RBFOX1: variants seen among roughly 807,000 people sequenced by gnomAD.
RBFOX1 encodes the protein RNA binding fox-1 homolog 1, also known as RNA binding protein fox-1 homolog 1.
Under a neutral mutation model 57.7 loss-of-function variants are expected in RBFOX1, and 8 were observed. The observed-to-expected ratio is 0.14, with a 90% CI of 0.08 to 0.25. The LOEUF (loss-of-function observed/expected upper bound fraction) is 0.25. Among genes scored for constraint, RBFOX1 ranks in the 10% least tolerant of loss-of-function variants. The pLI is 1.00. For synonymous variants in RBFOX1, 326 were observed against 222.4 expected (o/e 1.47, Z -4.15); for missense variants, 611 against 548.5 (o/e 1.11, Z -1.14).
chr16:6,689,115 T>C (rs1404609049), intron 3 of RBFOX1, among the ~76,000 whole-genome samples: 1 of 152,216 alleles, frequency 6.6e-6, no homozygotes, highest in Non-Finnish European at 1.5e-5. Flanking sequence ...CATATGTCTT[T>C]ATAGCAGAAT....
chr16:7,394,494 C>T (rs745928136), intron 4 of RBFOX1, among the ~76,000 whole-genome samples: 1 of 152,098 alleles, frequency 6.6e-6, no homozygotes, highest in Non-Finnish European at 1.5e-5. Flanking sequence ...AAGAGTCAAA[C>T]CCCCACACCT....
At chr16:6,538,820 C>T (rs1442921705) in intron 2 of RBFOX1, among the ~76,000 whole-genome samples, 1 of 152,018 alleles carries the variant, frequency 6.6e-6, no homozygotes, top group Non-Finnish European at 1.5e-5. Context: ...GGTTCTTTGT[C>T]CTGTATCCAT....
chr16:6,418,543 T>G (rs887471801), intron 2 of RBFOX1, among the ~76,000 whole-genome samples: 1 of 138,750 alleles, frequency 7.2e-6, no homozygotes, highest in Non-Finnish European at 1.6e-5. Context: ...TTTTTTTTTT[T>G]GACAGAGTCT....
At chr16:6,856,730 A>G (rs777495405) in intron 3 of RBFOX1, among the ~76,000 whole-genome samples, 1 of 152,160 alleles carries the variant, frequency 6.6e-6, no homozygotes, top group Non-Finnish European at 1.5e-5. Flanking sequence ...ACAAACTACC[A>G]TGAGGCAATA....
At chr16:5,364,321 C>G (rs1302845434) in intron 1 of RBFOX1, among the ~76,000 whole-genome samples, 4 of 152,202 alleles carry the variant, frequency 2.6e-5, no homozygotes, top group African/African-American at 9.6e-5. Flanking sequence ...CCTGGCTAGG[C>G]TTTCTTCCTT....
intron 4 of RBFOX1, among the ~76,000 whole-genome samples, chr16:7,273,132 C>A (rs1259401103): frequency 7.6e-6 from 1 of 131,478 alleles, no homozygotes; most frequent in South Asian, 2.9e-4. Flanking sequence ...CCCTTTCCTC[C>A]TTCCCTGCTT....
intron 2 of RBFOX1, among the ~76,000 whole-genome samples, chr16:6,559,762 A>C (rs976481045): frequency 1.3e-5 from 2 of 152,058 alleles, no homozygotes; most frequent in Admixed American, 6.5e-5. Flanking sequence ...TATATTGAAC[A>C]CCTACTATGT....
At chr16:7,035,768 T>G (rs1209219692) in intron 3 of RBFOX1, among the ~76,000 whole-genome samples, 2 of 152,148 alleles carry the variant, frequency 1.3e-5, no homozygotes, top group Non-Finnish European at 2.9e-5. Context: ...CTTTTGGGAA[T>G]CTAGTCCTTC....
intron 5 of RBFOX1, among the ~76,000 whole-genome samples, chr16:7,555,254 C>T (rs145694452): frequency 6.6e-6 from 1 of 152,274 alleles, no homozygotes; most frequent in Non-Finnish European, 1.5e-5. Context: ...ATGACTCCCC[C>T]ATTTCTGTTG....
At chr16:5,646,361 C>A (rs1446178301) in intron 3 of RBFOX1, among the ~76,000 whole-genome samples, 1 of 151,872 alleles carries the variant, frequency 6.6e-6, no homozygotes, top group Non-Finnish European at 1.5e-5. Flanking sequence ...CTGATCTCAA[C>A]CTCCTTGACT....
At chr16:6,253,041 C>T (rs76040906) in intron 1 of RBFOX1, among the ~76,000 whole-genome samples, 1,942 of 152,232 alleles carry the variant, frequency 0.013, 56 homozygotes, top group African/African-American at 0.044. Flanking sequence ...GGTGCTGAAT[C>T]TCTGATTGTT....
intron 4 of RBFOX1, among the ~76,000 whole-genome samples, chr16:7,065,287 T>C (rs2055686819): frequency 6.6e-6 from 1 of 152,160 alleles, no homozygotes; most frequent in African/African-American, 2.4e-5. Flanking sequence ...GTGGTCCTTT[T>C]AGGGATGATC....
chr16:7,392,944 G>C (rs1159428060), intron 4 of RBFOX1, among the ~76,000 whole-genome samples: 1 of 152,030 alleles, frequency 6.6e-6, no homozygotes, highest in African/African-American at 2.4e-5. Flanking sequence ...CATGATCTCG[G>C]CTCACTGCAA....
intron 3 of RBFOX1, among the ~76,000 whole-genome samples, chr16:6,818,130 C>T (rs1398085313): frequency 1.3e-5 from 2 of 152,100 alleles, no homozygotes; most frequent in African/African-American, 4.8e-5. Context: ...CTATGGAAGC[C>T]CTTTTCTAGG....
chr16:7,450,491 C>T (rs1171199537), intron 4 of RBFOX1, among the ~76,000 whole-genome samples: 2 of 151,092 alleles, frequency 1.3e-5, no homozygotes, highest in African/African-American at 2.4e-5. Flanking sequence ...AATGTTAACT[C>T]GTAAGGATTT....
chr16:7,236,828 C>G (rs1316410520), intron 4 of RBFOX1, among the ~76,000 whole-genome samples: 2 of 152,104 alleles, frequency 1.3e-5, no homozygotes, highest in East Asian at 3.9e-4. Context: ...ATATCTTGTC[C>G]TCAGCAAAGA....
At chr16:6,151,372 G>C (rs2096796679) in intron 1 of RBFOX1, among the ~76,000 whole-genome samples, 1 of 152,080 alleles carries the variant, frequency 6.6e-6, no homozygotes, top group South Asian at 2.1e-4. Context: ...TGCAACCTCT[G>C]CCTCCCGGAT....
chr16:6,976,147 C>A (rs965790169), intron 3 of RBFOX1, among the ~76,000 whole-genome samples: 7 of 151,608 alleles, frequency 4.6e-5, no homozygotes, highest in African/African-American at 1.7e-4. Context: ...AAGAAACAAA[C>A]AAAAAAACTA....
At position 6,864,541 on chromosome 16, in the gene RBFOX1, C is replaced by A. The variant is rs562720453; in HGVS notation, c.-15-187516C>A. Reference sequence around the variant, plus strand: ...TAGTTTTAAACCCCCCTATTCTCTCCTTCCTCTTTTTTTTTTTTTTTTAAT... The same window carrying A: ...TAGTTTTAAACCCCCCTATTCTCTCATTCCTCTTTTTTTTTTTTTTTTAAT... On this transcript the variant is annotated intron_variant, in intron 3 of 15. Coordinates refer to ENST00000550418, the MANE Select transcript of RBFOX1 (RefSeq NM_018723.4). Among the ~76,000 whole-genome samples, 3 of 147,176 alleles carry A rather than the reference C, an allele frequency of 2.0e-5. No individual in the cohort carries two copies. In the East Asian group the frequency reaches 5.8e-4, roughly 29 times the overall value.
Sources: gnomAD v4.1 joint callset for allele counts (sites outside exome capture counted in the v4.1 genomes callset) on GRCh38, gnomAD v4.1.1 for gene constraint, MANE v1.5 for transcripts, NCBI Gene and HGNC (gene_info 2026-07-23, HGNC 2026-07-21) for gene names.